The following PDE11A variants were observed in gnomAD, a reference collection of about 807,000 sequenced individuals.
The protein encoded by PDE11A is dual 3',5'-cyclic-AMP and -GMP phosphodiesterase 11A.
A neutral mutation model predicts 100.5 loss-of-function variants in PDE11A; 100 were observed. The ratio of observed to expected loss-of-function variants is 1.00; its 90% CI spans 0.85 to 1.18. The LOEUF is 1.18. PDE11A is among the 50% of genes most tolerant of loss of function. PDE11A has a pLI of 0.00. For synonymous variants in PDE11A, 381 were observed against 420.8 expected, an observed-to-expected ratio of 0.91 and a Z score of 1.16; for missense variants, 1,141 against 1,152.6, an observed-to-expected ratio of 0.99 and a Z score of 0.15.
chr2:177,727,723 TC>T lies in PDE11A; in HGVS notation c.1977del (p.Met660TrpfsTer16). The T allele has an allele frequency of 6.2e-7, 1 of 1,612,090 alleles. No homozygotes were observed. Among genetic ancestry groups the T allele is most frequent in the South Asian group, 1.1e-5 (1 of 91,044 alleles). ...TGTCTCCAGTTGTGGTATAGAACCA[TC>T]CGATAGTTTTTCCTCACTGTCAAAA... is the stretch of plus-strand genomic sequence containing the variant. ...RWLLTVRKNY[R>X]MVLYHNWRHA... On this transcript the variant is annotated frameshift_variant, in exon 12 of 20. Coordinates refer to ENST00000286063, the MANE Select transcript of PDE11A (RefSeq NM_016953.4). LOFTEE classifies it high-confidence loss of function.
At chr2:178,059,952 C>T (rs1001809187) in intron 1 of PDE11A, among the ~76,000 whole-genome samples, 2 of 152,250 alleles carry the variant, frequency 1.3e-5, no homozygotes, top group Non-Finnish European at 2.9e-5. Flanking sequence ...AGCCTCCCTG[C>T]ACTTGGCTAT....
At chr2:177,891,488 T>C (rs1018038302) in intron 4 of PDE11A, among the ~76,000 whole-genome samples, 1 of 152,234 alleles carries the variant, frequency 6.6e-6, no homozygotes, top group Non-Finnish European at 1.5e-5. Flanking sequence ...CTCATCAGAA[T>C]TGAATGATTG....
chr2:178,054,782 T>A (rs2086876863), intron 1 of PDE11A, among the ~76,000 whole-genome samples: 1 of 152,066 alleles, frequency 6.6e-6, no homozygotes, highest in Non-Finnish European at 1.5e-5. Flanking sequence ...GAAATGCAAA[T>A]CAAAACCACA....
chr2:178,098,991 GA>G (rs1423337738), intron 2 of PDE11A, among the ~76,000 whole-genome samples: 1 of 152,100 alleles, frequency 6.6e-6, no homozygotes, highest in Non-Finnish European at 1.5e-5. Flanking sequence ...TAGAATCCTG[GA>G]AAAATCATGA....
At chr2:177,689,763 G>A (rs1227585159) in intron 15 of PDE11A, among the ~76,000 whole-genome samples, 15 of 152,136 alleles carry the variant, frequency 9.9e-5, no homozygotes, top group Admixed American at 9.2e-4. Context: ...AAATAAAACC[G>A]GCAAAATGCA....
rs557104355 is a variant in PDE11A at position 177,906,165 on chromosome 2, TCA to T, written c.1072-980_1072-979del. ...GACTCTATGTCTCTCTGTCTCTCTC[TCA>T]CACACACACACACGCACGCACGCAC... On this transcript the variant is annotated intron_variant, in intron 2 of 19. Transcript: ENST00000286063. Among the ~76,000 whole-genome samples the T allele has an allele frequency of 3.0e-3, 430 of 144,728 alleles. 10 individuals carry two copies. The East Asian group carries it at 0.069, about 23-fold the overall frequency. 94.9% of individuals were successfully genotyped at this position (144,728 alleles called of 152,430 possible).
intron 16 of PDE11A, among the ~76,000 whole-genome samples, chr2:177,678,110 A>G (rs1202808158): frequency 1.3e-5 from 2 of 152,258 alleles, no homozygotes; most frequent in Non-Finnish European, 2.9e-5. Flanking sequence ...CCATGAATAA[A>G]ACCCACGAAT....
intron 1 of PDE11A, among the ~76,000 whole-genome samples, chr2:178,046,367 T>C (rs1158818962): frequency 6.6e-6 from 1 of 152,240 alleles, no homozygotes; most frequent in Non-Finnish European, 1.5e-5. Flanking sequence ...CAGTTCACTT[T>C]TTGGAAGATT....
chr2:178,006,831 G>GT (rs1178937302), intron 2 of PDE11A, among the ~76,000 whole-genome samples: 1 of 150,712 alleles, frequency 6.6e-6, no homozygotes. Flanking sequence ...CAAGGGGGGG[G>GT]GGGGAAGCCA....
chr2:178,072,129 G>C lies in PDE11A; in HGVS notation c.309C>G (p.Ala103=). Residue 103 remains alanine (A), a synonymous_variant, in exon 1 of 20, where the codon GCC becomes GCG. Transcript: ENST00000286063. ...CGGVPLSPSW[A]GGSRGDGNLQ... ...GGTTCCCATCGCCCCTGCTGCCACC[G>C]GCCCAGCTGGGACTCAAGGGAACCC... is the stretch of plus-strand genomic sequence containing the variant. 1 of 1,613,790 alleles carries C rather than the reference G, an allele frequency of 6.2e-7. No homozygotes were observed. Among genetic ancestry groups the C allele is most frequent in the Non-Finnish European group, 8.5e-7 (1 of 1,179,792 alleles).
chr2:177,685,098 C>T (rs1044631997), intron 15 of PDE11A, among the ~76,000 whole-genome samples: 2 of 152,088 alleles, frequency 1.3e-5, no homozygotes, highest in Non-Finnish European at 2.9e-5. Flanking sequence ...TTGTTCACTT[C>T]TGCCCCTTAA....
chr2:177,786,396 A>C (rs1194109793), intron 9 of PDE11A, among the ~76,000 whole-genome samples: 1 of 152,014 alleles, frequency 6.6e-6, no homozygotes, highest in African/African-American at 2.4e-5. Context: ...GTACATCACC[A>C]TCATCAAAGA....
chr2:177,953,494 A>T (rs2085528051), intron 2 of PDE11A, among the ~76,000 whole-genome samples: 1 of 152,212 alleles, frequency 6.6e-6, no homozygotes, highest in Admixed American at 6.5e-5. Context: ...TACAAGTTAC[A>T]TTATATCTTT....
At chr2:178,058,161 C>T (rs1253480539) in intron 1 of PDE11A, among the ~76,000 whole-genome samples, 1 of 152,194 alleles carries the variant, frequency 6.6e-6, no homozygotes, top group Non-Finnish European at 1.5e-5. Context: ...TGGCCCCTAG[C>T]TCAGCATTAT....
intron 10 of PDE11A, among the ~76,000 whole-genome samples, chr2:177,753,775 T>C (rs58471763): frequency 0.034 from 5,202 of 150,944 alleles, 275 homozygotes; most frequent in African/African-American, 0.12. Flanking sequence ...GCAGATAAGA[T>C]TGGGGGGGCC....
intron 3 of PDE11A, chr2:177,899,712 AAT>A (rs941496108): frequency 6.1e-5 from 11 of 179,134 alleles, no homozygotes; most frequent in African/African-American, 2.7e-4. Flanking sequence ...ATATAATATA[AAT>A]ATATATAATA....
At chr2:177,991,527 C>T (rs1478431840) in intron 2 of PDE11A, among the ~76,000 whole-genome samples, 1 of 143,198 alleles carries the variant, frequency 7.0e-6, no homozygotes, top group Non-Finnish European at 1.5e-5. Flanking sequence ...CCCACCTACT[C>T]GGGAGGCTGA....
intron 2 of PDE11A, among the ~76,000 whole-genome samples, chr2:178,100,496 A>C (rs2087548374): frequency 6.6e-6 from 1 of 152,166 alleles, no homozygotes; most frequent in African/African-American, 2.4e-5. Flanking sequence ...TTAATTATTG[A>C]AGTCTGTTTT....
intron 9 of PDE11A, among the ~76,000 whole-genome samples, chr2:177,800,315 G>A (rs755332565): frequency 6.6e-5 from 10 of 151,956 alleles, no homozygotes; most frequent in African/African-American, 2.2e-4. Flanking sequence ...GACTATAGGT[G>A]CATGCCACCA....
Sources: allele counts gnomAD v4.1 joint callset (sites outside exome capture counted in the v4.1 genomes callset), GRCh38; gene constraint gnomAD v4.1.1; transcripts MANE v1.5; gene names NCBI Gene and HGNC (gene_info 2026-07-23, HGNC 2026-07-21).